FAM107B: variants seen among roughly 807,000 people sequenced by gnomAD.
FAM107B encodes the protein family with sequence similarity 107 member B, also known as protein FAM107B.
FAM107B carries 21 observed loss-of-function variants against 31.5 expected under a neutral mutation model. The observed-to-expected ratio is 0.67, with a 90% confidence interval of 0.47 to 0.96. FAM107B has a LOEUF of 0.96. Ranked by LOEUF, FAM107B falls within the 40% of genes least tolerant of loss-of-function variation. FAM107B has a pLI of 0.00. For synonymous variants in FAM107B, 157 were observed against 141.5 expected, an observed-to-expected ratio of 1.11 and a Z score of -0.78; for missense variants, 452 against 377.1, an observed-to-expected ratio of 1.20 and a Z score of -1.64.
chr10:14,674,970 G>GGA (rs1854646719), intron 1 of FAM107B, among the ~76,000 whole-genome samples: 1 of 152,128 alleles, frequency 6.6e-6, no homozygotes, highest in Non-Finnish European at 1.5e-5. Context: ...GGGATTACAG[G>GGA]CATGAGCCAT....
intron 2 of FAM107B, among the ~76,000 whole-genome samples, chr10:14,647,135 C>T (rs547846774): frequency 1.3e-5 from 2 of 152,162 alleles, no homozygotes; most frequent in Non-Finnish European, 2.9e-5. Flanking sequence ...CTAAGATGGG[C>T]CATTCACGTT....
At chr10:14,673,650 C>A (rs578046350) in intron 1 of FAM107B, among the ~76,000 whole-genome samples, 1 of 152,250 alleles carries the variant, frequency 6.6e-6, no homozygotes, top group South Asian at 2.1e-4. Flanking sequence ...TGGATGCATA[C>A]CCAGCAGTGG....
chr10:14,702,921 A>C (rs1246317209), intron 1 of FAM107B, among the ~76,000 whole-genome samples: 1 of 152,120 alleles, frequency 6.6e-6, no homozygotes, highest in East Asian at 1.9e-4. Flanking sequence ...TATTGCAGTA[A>C]AAAAGACCAA....
intron 1 of FAM107B, among the ~76,000 whole-genome samples, chr10:14,712,749 G>A (rs150228820): frequency 2.7e-3 from 410 of 152,242 alleles, no homozygotes; most frequent in African/African-American, 8.6e-3. Context: ...CATGGTCAGA[G>A]GTTCAGATGA....
At chr10:14,602,476 T>C (rs1564595935) in intron 2 of FAM107B, 1 of 152,228 alleles carries the variant, frequency 6.6e-6, no homozygotes, top group African/African-American at 2.4e-5. Context: ...AGAACGATTT[T>C]ATTTTAAAAG....
At chr10:14,712,809 G>A (rs951686034) in intron 1 of FAM107B, among the ~76,000 whole-genome samples, 1 of 152,122 alleles carries the variant, frequency 6.6e-6, no homozygotes, top group Admixed American at 6.5e-5. Context: ...CCTTTTCTTG[G>A]AACTACCCAG....
chr10:14,572,014 G>C lies in FAM107B; in HGVS notation c.470-41499C>G, dbSNP rs1265204782. The C allele has an allele frequency of 6.2e-5, 61 of 985,246 alleles. 1 individual carries two copies. The highest frequency in any genetic ancestry group is 5.2e-4 in the Middle Eastern group (1 of 1,936). 61.0% of individuals were successfully genotyped at this position (985,246 alleles called of 1,614,324 possible). On this transcript the variant is annotated intron_variant, in intron 2 of 4. Coordinates refer to ENST00000181796, the MANE Select transcript of FAM107B (RefSeq NM_031453.4). ...ACCTTCTGACTGTGGTAGTTCCTTA[G>C]AGCGGTGAAGAAAAGCACCCAAAAC... is the stretch of plus-strand genomic sequence containing the variant.
intron 1 of FAM107B, among the ~76,000 whole-genome samples, chr10:14,686,160 G>A (rs1371097820): frequency 3.3e-5 from 5 of 152,156 alleles, no homozygotes; most frequent in East Asian, 3.9e-4. Context: ...AGGCCGAGGT[G>A]GGCAGATCAC....
rs1588732073 is a variant in FAM107B at position 14,723,598 on chromosome 10, G to C, written c.411+50655C>G. On this transcript the variant is annotated intron_variant, in intron 1 of 4. Coordinates refer to ENST00000181796, the MANE Select transcript of FAM107B (RefSeq NM_031453.4). ...AAAGGCTATGTCCACATAGAACAGA[G>C]GGGAATCTGTGTGACACAGAGCAAT... 2.5e-5 allele frequency: 17 copies of C among 682,814 alleles called. No individual in the cohort carries two copies. In the East Asian group the frequency reaches 4.3e-4, roughly 17 times the overall value. The allele number at this position is 682,814 out of a possible 1,614,324, so 42.3% of individuals were successfully genotyped here. A position where few individuals can be genotyped will look rare whatever the true frequency, so the allele number is the denominator to read the frequency against.
intron 1 of FAM107B, among the ~76,000 whole-genome samples, chr10:14,761,027 A>G (rs1833034476): frequency 6.7e-6 from 1 of 149,908 alleles, no homozygotes; most frequent in Non-Finnish European, 1.5e-5. Flanking sequence ...AAAAAAAAAA[A>G]AAAAAAAAAG....
chr10:14,766,534 G>C (rs1023369868), intron 1 of FAM107B, among the ~76,000 whole-genome samples: 1 of 152,040 alleles, frequency 6.6e-6, no homozygotes, highest in African/African-American at 2.4e-5. Flanking sequence ...TGGATTTGTG[G>C]GCCACTGTAG....
chr10:14,761,894 G>A (rs116304292), intron 1 of FAM107B, among the ~76,000 whole-genome samples: 96 of 152,206 alleles, frequency 6.3e-4, no homozygotes, highest in African/African-American at 2.2e-3. Flanking sequence ...CCACCGCACC[G>A]GGCCGATGGC....
At chr10:14,553,510 T>C (rs971277265) in intron 2 of FAM107B, 2 of 445,448 alleles carry the variant, frequency 4.5e-6, no homozygotes, top group Non-Finnish European at 7.8e-6. Flanking sequence ...AAATTAACAA[T>C]GGGTAAGAAG....
At chr10:14,671,672 G>C (rs1385617520) in intron 1 of FAM107B, among the ~76,000 whole-genome samples, 1 of 152,080 alleles carries the variant, frequency 6.6e-6, no homozygotes, top group East Asian at 1.9e-4. Flanking sequence ...ACCAGAGACA[G>C]GGGTTGCAGC....
At chr10:14,552,736 C>T (rs575125428) in intron 2 of FAM107B, among the ~76,000 whole-genome samples, 7 of 151,918 alleles carry the variant, frequency 4.6e-5, no homozygotes, top group Non-Finnish European at 7.4e-5. Context: ...GGCTGAGGCC[C>T]GAGAAAAGCT....
At chr10:14,527,425 C>A (rs1046192420) in intron 3 of FAM107B, among the ~76,000 whole-genome samples, 1 of 152,230 alleles carries the variant, frequency 6.6e-6, no homozygotes, top group African/African-American at 2.4e-5. Context: ...TTGTTCTCAG[C>A]CTGTAACACA....
chr10:14,604,383 C>T (rs1852521624), intron 2 of FAM107B: 1 of 329,426 alleles, frequency 3.0e-6, no homozygotes, highest in Non-Finnish European at 4.3e-6. Flanking sequence ...GCAAGCCAGT[C>T]CGGCGCAGGG....
intron 2 of FAM107B, among the ~76,000 whole-genome samples, 168 bp from the exon 3 acceptor site, chr10:14,530,683 C>G (rs1360258533): frequency 6.6e-6 from 1 of 152,170 alleles, no homozygotes; most frequent in Non-Finnish European, 1.5e-5. Flanking sequence ...TGTAACTGGG[C>G]TGGGGCAGGG....
chr10:14,565,269 G>T (rs117194879), intron 2 of FAM107B, among the ~76,000 whole-genome samples: 2,940 of 152,284 alleles, frequency 0.019, 37 homozygotes, highest in Non-Finnish European at 0.026. Flanking sequence ...AATGAAGTGT[G>T]CTGGGTTTTA....
Sources: gnomAD v4.1 joint callset for allele counts (sites outside exome capture counted in the v4.1 genomes callset) on GRCh38, gnomAD v4.1.1 for gene constraint, MANE v1.5 for transcripts, NCBI Gene and HGNC (gene_info 2026-07-23, HGNC 2026-07-21) for gene names.